The following SHANK2 variants were observed in gnomAD, a reference collection of about 807,000 sequenced individuals.
SHANK2 encodes SH3 and multiple ankyrin repeat domains 2, also known as SH3 and multiple ankyrin repeat domains protein 2.
Under a neutral mutation model 133.7 loss-of-function variants are expected in SHANK2, and 43 were observed. The observed-to-expected ratio is 0.32, with a 90% CI of 0.25 to 0.41. The LOEUF is 0.41. Among genes scored for constraint, SHANK2 ranks in the 10% least tolerant of loss-of-function variants. SHANK2 has a pLI of 1.00. For missense variants in SHANK2, 1,994 were observed against 2,235.8 expected (o/e 0.89, Z 2.18); for synonymous variants, 1,017 against 952.8 (o/e 1.07, Z -1.24).
At chr11:70,844,303 T>C (rs541530274) in intron 11 of SHANK2, among the ~76,000 whole-genome samples, 1 of 152,290 alleles carries the variant, frequency 6.6e-6, no homozygotes, top group Non-Finnish European at 1.5e-5. Flanking sequence ...GCATTCAAGC[T>C]GTTCAGTTTC....
At chr11:70,790,716 A>C (rs138167507) in intron 14 of SHANK2, among the ~76,000 whole-genome samples, 5 of 152,154 alleles carry the variant, frequency 3.3e-5, no homozygotes, top group African/African-American at 1.2e-4. Flanking sequence ...ATCTGTGTCT[A>C]CGTCCTACTG....
At chr11:70,489,665 G>T in intron 23 of SHANK2, 1 of 452,238 alleles carries the variant, frequency 2.2e-6, no homozygotes, top group South Asian at 2.4e-5. Context: ...ACACAGTAAA[G>T]GCAATGCTGA....
At chr11:70,506,016 T>C (rs553100158) in intron 17 of SHANK2, among the ~76,000 whole-genome samples, 2 of 152,320 alleles carry the variant, frequency 1.3e-5, no homozygotes, top group East Asian at 3.9e-4. Flanking sequence ...GTCAAGGGGC[T>C]GGAGGGCCCT....
intron 10 of SHANK2, among the ~76,000 whole-genome samples, chr11:70,946,055 C>CCT (rs1364033226): frequency 2.7e-5 from 4 of 150,436 alleles, no homozygotes; most frequent in Non-Finnish European, 3.0e-5. Context: ...ACTCAACCTC[C>CCT]CTCTCCGCTA....
chr11:70,757,260 G>C (rs1555039135), intron 14 of SHANK2, among the ~76,000 whole-genome samples: 2 of 152,156 alleles, frequency 1.3e-5, no homozygotes, highest in African/African-American at 2.4e-5. Flanking sequence ...GGCTGACCTT[G>C]AGCAAGGGGC....
intron 10 of SHANK2, among the ~76,000 whole-genome samples, chr11:70,905,119 T>G (rs1950080416): frequency 6.6e-6 from 1 of 152,126 alleles, no homozygotes; most frequent in Non-Finnish European, 1.5e-5. Flanking sequence ...CCACAGGGAC[T>G]CAGTACCTGG....
chr11:70,743,043 GA>G (rs1166853797), intron 14 of SHANK2, among the ~76,000 whole-genome samples: 1 of 152,188 alleles, frequency 6.6e-6, no homozygotes, highest in African/African-American at 2.4e-5. Flanking sequence ...TGGGACCTGA[GA>G]GGGGATCAGA....
chr11:71,198,575 G>C (rs12288252), intron 2 of SHANK2, among the ~76,000 whole-genome samples: 1,985 of 152,222 alleles, frequency 0.013, 41 homozygotes, highest in African/African-American at 0.046. Flanking sequence ...GAGCTGTGAG[G>C]GGTGAGACCA....
At chr11:71,090,442 C>CCTGTGT (rs1293097073) in intron 8 of SHANK2, among the ~76,000 whole-genome samples, 432 of 8,044 alleles carry the variant, frequency 0.054, 190 homozygotes, top group African/African-American at 0.18. Context: ...AGAAACACTA[C>CCTGTGT]GTGTGTGTGT....
At chr11:71,144,110 C>T (rs1425878621) in intron 3 of SHANK2, among the ~76,000 whole-genome samples, 5 of 152,106 alleles carry the variant, frequency 3.3e-5, no homozygotes, top group Admixed American at 2.0e-4. Context: ...AGAGTGGCTC[C>T]GGGCCCTGGA....
At chr11:71,135,488 T>C (rs1423491198) in intron 3 of SHANK2, among the ~76,000 whole-genome samples, 1 of 149,884 alleles carries the variant, frequency 6.7e-6, no homozygotes, top group African/African-American at 2.5e-5. Flanking sequence ...ATATGTTTTT[T>C]TTTTTTTTTT....
chr11:70,664,107 T>A (rs1555014238), intron 15 of SHANK2, among the ~76,000 whole-genome samples: 1 of 152,134 alleles, frequency 6.6e-6, no homozygotes, highest in Non-Finnish European at 1.5e-5. Context: ...CAGGGAGAGC[T>A]GGGGCTCTAC....
chr11:70,845,909 C>T lies in SHANK2; in HGVS notation c.1175-25227G>A, dbSNP rs1186740118. Among the ~76,000 whole-genome samples, 7 of 152,140 alleles carry T rather than the reference C, an allele frequency of 4.6e-5. No homozygotes were observed. In the East Asian group the frequency reaches 9.6e-4, roughly 21 times the overall value. On this transcript the variant is annotated intron_variant, in intron 11 of 25. Coordinates refer to ENST00000601538, the MANE Select transcript of SHANK2 (RefSeq NM_012309.5). Reference sequence around the variant, plus strand: ...CTTCCTGCAATGAAACAACAAGCAACGCACTGGGGGCAGGAAACGGAGCCG... The same window carrying T: ...CTTCCTGCAATGAAACAACAAGCAATGCACTGGGGGCAGGAAACGGAGCCG...
At position 70,707,344 on chromosome 11, in the gene SHANK2, C is replaced by T. The variant is rs150280241; in HGVS notation, c.1778-8581G>A. On this transcript the variant is annotated intron_variant, in intron 14 of 25. Coordinates refer to ENST00000601538, the MANE Select transcript of SHANK2 (RefSeq NM_012309.5). ...CCGAGATTGTGCCATTGCAGTTCAG[C>T]CTGGGCGACAGAGTGAAAACTCCAT... Among the ~76,000 whole-genome samples the T allele has an allele frequency of 7.4e-3, 1,054 of 142,086 alleles. 17 individuals carry two copies. Among genetic ancestry groups the T allele is most frequent in the African/African-American group, 0.027 (1,009 of 37,928 alleles). 93.2% of individuals were successfully genotyped at this position (142,086 alleles called of 152,430 possible). A position where few individuals can be genotyped will look rare whatever the true frequency, so the allele number is the denominator to read the frequency against.
intron 17 of SHANK2, among the ~76,000 whole-genome samples, chr11:70,556,196 C>T (rs1256030770): frequency 6.6e-6 from 1 of 152,218 alleles, no homozygotes. Context: ...CAATACACCT[C>T]ATTTCTTTTT....
At chr11:70,829,989 C>T (rs1221065370) in intron 11 of SHANK2, among the ~76,000 whole-genome samples, 1 of 152,206 alleles carries the variant, frequency 6.6e-6, no homozygotes, top group African/African-American at 2.4e-5. Context: ...CACAGGGGTT[C>T]TCACTGTCAG....
intron 10 of SHANK2, among the ~76,000 whole-genome samples, chr11:70,955,395 G>C (rs528652910): frequency 6.6e-6 from 1 of 151,482 alleles, no homozygotes; most frequent in East Asian, 2.0e-4. Context: ...GCTTCAGCCA[G>C]GGTTCTCCAG....
intron 10 of SHANK2, among the ~76,000 whole-genome samples, chr11:70,903,182 G>A (rs539256093): frequency 2.6e-4 from 39 of 152,092 alleles, no homozygotes; most frequent in Admixed American, 2.4e-3. Context: ...TTCGAGACTA[G>A]CCTTCCCAAC....
chr11:70,772,900 A>G (rs1478314824), intron 14 of SHANK2, among the ~76,000 whole-genome samples: 1 of 152,246 alleles, frequency 6.6e-6, no homozygotes, highest in East Asian at 1.9e-4. Flanking sequence ...CTCTTGCAGA[A>G]GATCCCCATG....
Sources: allele counts gnomAD v4.1 joint callset (sites outside exome capture counted in the v4.1 genomes callset), GRCh38; gene constraint gnomAD v4.1.1; transcripts MANE v1.5; gene names NCBI Gene and HGNC (gene_info 2026-07-23, HGNC 2026-07-21).